Variants in BRD2 observed in about 807,000 individuals in gnomAD.
The protein encoded by BRD2 is bromodomain containing 2, also known as bromodomain-containing protein 2.
BRD2 carries 15 observed loss-of-function variants against 79.1 expected under a neutral mutation model. The observed-to-expected ratio is 0.19, with a 90% CI of 0.13 to 0.29. BRD2 has a LOEUF of 0.29. BRD2 is among the 10% of genes least tolerant of loss of function. BRD2 has a pLI of 1.00. For synonymous variants in BRD2, 488 were observed against 358.6 expected (o/e 1.36, Z -4.08); for missense variants, 1,053 against 991.3 (o/e 1.06, Z -0.84).
chr6:32,973,343 TG>T (rs1346235120), intron 2 of BRD2, among the ~76,000 whole-genome samples: 5 of 152,028 alleles, frequency 3.3e-5, no homozygotes, highest in African/African-American at 1.2e-4. Flanking sequence ...CTTAAGGGAC[TG>T]GCAACGGGGA....
In BRD2 at chr6:32,972,659, A is replaced by T; in HGVS notation, c.-240A>T. ...CCTCCTTAGTTGCCCGCCTCAGCTGAGGCCGCCGCCATTTTCTTGCTGTCC... is the reference window on the plus strand; with the variant it reads ...CCTCCTTAGTTGCCCGCCTCAGCTGTGGCCGCCGCCATTTTCTTGCTGTCC... On this transcript the variant is annotated 5_prime_UTR_variant, in exon 2 of 13. Coordinates refer to ENST00000374825, the MANE Select transcript of BRD2 (RefSeq NM_005104.4). 3.3e-6 allele frequency: 2 copies of T among 612,064 alleles called. No homozygotes were observed. Among genetic ancestry groups the T allele is most frequent in the South Asian group, 3.9e-5 (2 of 51,142 alleles). 37.9% of individuals were successfully genotyped at this position (612,064 alleles called of 1,614,324 possible).
Position 32,974,645 on chromosome 6 carries a change from G to C in BRD2, c.213G>C (p.Lys71Asn). ...CCCCGGAGGTGTCCAATCCCAAAAA[G>C]CCAGGACGAGTTACCAACCAGCTGC... ...PPPPEVSNPK[K>N]PGRVTNQLQY... is the part of the protein sequence containing the mutation. The change falls in exon 3 of 13, where the codon AAG becomes AAC. Residue 71 changes from lysine to asparagine, a missense_variant. By Grantham distance (94) the Lys-to-Asn change is moderately conservative. This residue lies in a region of BRD2 where 413 missense variants were observed against 335.1 expected (regional missense o/e 1.23). Coordinates refer to ENST00000374825, the MANE Select transcript of BRD2 (RefSeq NM_005104.4). The C allele has an allele frequency of 1.9e-6, 3 of 1,614,232 alleles. No homozygotes were observed. The highest frequency in any genetic ancestry group is 2.5e-6 in the Non-Finnish European group (3 of 1,180,044).
Position 32,980,481 on chromosome 6 carries a change from A to T in BRD2, c.2269+17A>T. ...CCAAGAAAGGTGAGTATATACTTTC[A>T]TGCCACTACAGATTGACTCCATCCT... On this transcript the variant is annotated intron_variant, in intron 12 of 12. Coordinates refer to ENST00000374825, the MANE Select transcript of BRD2 (RefSeq NM_005104.4). 1 of 1,612,970 alleles carries T rather than the reference A, an allele frequency of 6.2e-7. No homozygotes were observed. The highest frequency in any genetic ancestry group is 8.5e-7 in the Non-Finnish European group (1 of 1,179,980).
intron 1 of BRD2, chr6:32,969,432 T>C (rs1777752538): frequency 4.3e-6 from 3 of 704,650 alleles, no homozygotes; most frequent in Non-Finnish European, 5.3e-6. Context: ...CCCCTACCCG[T>C]GGATGTGAAT....
chr6:32,973,093 G>C (rs1180684567), intron 2 of BRD2, 166 bp downstream of exon 2: 1 of 1,567,526 alleles, frequency 6.4e-7, no homozygotes, highest in Admixed American at 1.9e-5. Flanking sequence ...TGGAACGGTG[G>C]TGGCGGCTCG....
In BRD2 at chr6:32,976,952, G is replaced by A; in HGVS notation, c.1200+16G>A. The A allele has an allele frequency of 6.3e-7, 1 of 1,592,280 alleles. No individual in the cohort carries two copies. The highest frequency in any genetic ancestry group is 8.6e-7 in the Non-Finnish European group (1 of 1,167,798). ...CACTGTCAAGGTACCCACTGCATGGGGCAGATGGGATGCTCAGGCAGTGAT... is the reference window on the plus strand; with the variant it reads ...CACTGTCAAGGTACCCACTGCATGGAGCAGATGGGATGCTCAGGCAGTGAT... On this transcript the variant is annotated intron_variant, in intron 7 of 12. Coordinates refer to ENST00000374825, the MANE Select transcript of BRD2 (RefSeq NM_005104.4).
At position 32,980,604 on chromosome 6, in the gene BRD2, C is replaced by T. The variant is rs764143962; in HGVS notation, c.2292C>T (p.Ser764=). The change falls in exon 13 of 13, where the codon TCC becomes TCT. Residue 764 remains serine (S), a synonymous_variant. Coordinates refer to ENST00000374825, the MANE Select transcript of BRD2 (RefSeq NM_005104.4). Reference sequence around the variant, plus strand: ...CAGCGAATGAGAAAACAGAGTCATCCTCTGCACAGCAAGTAGCAGTGTCAC... The same window carrying T: ...CAGCGAATGAGAAAACAGAGTCATCTTCTGCACAGCAAGTAGCAGTGTCAC... ...PKKANEKTES[S]SAQQVAVSRL... 2.0e-5 allele frequency: 33 copies of T among 1,610,240 alleles called. No homozygotes were observed. Among genetic ancestry groups the T allele is most frequent in the Admixed American group, 1.7e-4 (10 of 59,804 alleles).
At chr6:32,975,708 C>G (rs964145746) in intron 4 of BRD2, among the ~76,000 whole-genome samples, 187 bp downstream of exon 4, 1 of 152,196 alleles carries the variant, frequency 6.6e-6, no homozygotes, top group Non-Finnish European at 1.5e-5. Context: ...CTTCAGAGCT[C>G]TAGTTGAAGG....
intron 10 of BRD2, 184 bp downstream of exon 10, chr6:32,978,572 G>C: frequency 1.1e-6 from 1 of 949,384 alleles, no homozygotes; most frequent in Non-Finnish European, 1.5e-6. Flanking sequence ...CCACAGACAG[G>C]GTTTGAGGGG....
intron 3 of BRD2, 128 bp downstream of exon 3, chr6:32,974,893 C>A: frequency 7.2e-7 from 1 of 1,391,628 alleles, no homozygotes; most frequent in Non-Finnish European, 9.7e-7. Context: ...GGGCAGTTAG[C>A]TACCAGATTT....
rs574018706 is a variant in BRD2 at position 32,979,734 on chromosome 6, T to C, written c.1842-94T>C. ...GAATGGAAAAACAGAAGCTCCACTCTGGGCAGGAAATAGGATCACTGAATT... is the reference window on the plus strand; with the variant it reads ...GAATGGAAAAACAGAAGCTCCACTCCGGGCAGGAAATAGGATCACTGAATT... On this transcript the variant is annotated intron_variant, in intron 10 of 12. Transcript: ENST00000374825. The C allele has an allele frequency of 1.5e-4, 210 of 1,423,030 alleles. No individual in the cohort carries two copies. In the African/African-American group the frequency reaches 2.9e-3, roughly 19 times the overall value. 88.2% of individuals were successfully genotyped at this position (1,423,030 alleles called of 1,614,324 possible).
chr6:32,975,954 C>T (rs1399972497), intron 4 of BRD2, 77 bp from the exon 5 acceptor site: 10 of 1,489,442 alleles, frequency 6.7e-6, no homozygotes, highest in Non-Finnish European at 7.2e-6. Context: ...GGCCTGAATG[C>T]CTCTGAGAAA....
chr6:32,974,506 AAGCAGC>A lies in BRD2; in HGVS notation c.79_84del (p.Ala27_Ala28del). The A allele has an allele frequency of 6.2e-7, 1 of 1,613,764 alleles. No individual in the cohort carries two copies. The highest frequency in any genetic ancestry group is 8.5e-7 in the Non-Finnish European group (1 of 1,179,642). ...GCAGGGTTGCTGGGGCTGGGCCCAG[AAGCAGC>A]AGCACCAGGGAAGAGGATTCGAAAA... On this transcript the variant is annotated inframe_deletion, in exon 3 of 13. Transcript: ENST00000374825.
Position 32,969,295 on chromosome 6 carries a change from G to A in BRD2, c.-1305+239G>A, listed in dbSNP as rs557774469. On this transcript the variant is annotated intron_variant, in intron 1 of 12. Transcript: ENST00000374825. The stretch of plus-strand genomic sequence containing the variant: ...CCATTGGAGGGCAAAGGGGTTAGGG[G>A]GCGGTGTGGCCCCCCCTATTCCATT... 5.6e-6 allele frequency: 4 copies of A among 714,170 alleles called. No individual in the cohort carries two copies. The African/African-American group carries it at 7.0e-5, about 12-fold the overall frequency. The allele number at this position is 714,170 out of a possible 1,614,324, so 44.2% of individuals were successfully genotyped here.
At chr6:32,969,895 G>C (rs1239812220) in intron 1 of BRD2, among the ~76,000 whole-genome samples, 1 of 152,174 alleles carries the variant, frequency 6.6e-6, no homozygotes, top group African/African-American at 2.4e-5. Context: ...CCCTCCCCCA[G>C]TCCTGAACAG....
At position 32,972,777 on chromosome 6, in the gene BRD2, G is replaced by A; in HGVS notation, c.-122G>A. On this transcript the variant is annotated 5_prime_UTR_variant, in exon 2 of 13. Coordinates refer to ENST00000374825, the MANE Select transcript of BRD2 (RefSeq NM_005104.4). Reference sequence around the variant, plus strand: ...CGGCCAGGCAGGGGGTTTGTCGCCTGGAGGCCCAAGAGGAACGGCCTCCCC... The same window carrying A: ...CGGCCAGGCAGGGGGTTTGTCGCCTAGAGGCCCAAGAGGAACGGCCTCCCC... 6.8e-7 allele frequency: 1 copy of A among 1,467,830 alleles called. No individual in the cohort carries two copies. The highest frequency in any genetic ancestry group is 2.3e-5 in the East Asian group (1 of 44,072). The allele number at this position is 1,467,830 out of a possible 1,614,324, so 90.9% of individuals were successfully genotyped here.
At chr6:32,973,150 T>G in intron 2 of BRD2, 2 of 1,547,328 alleles carry the variant, frequency 1.3e-6, no homozygotes, top group South Asian at 1.2e-5. Context: ...TATACGCTAT[T>G]AATGCCGCCG....
At chr6:32,979,657 T>C in intron 10 of BRD2, 171 bp from the exon 11 acceptor site, 2 of 683,716 alleles carry the variant, frequency 2.9e-6, no homozygotes, top group Non-Finnish European at 4.7e-6. Context: ...TCGAGCAAAA[T>C]GCTCTGTTTC....
In BRD2 at chr6:32,972,759, G is replaced by T; in HGVS notation, c.-140G>T. 1 of 1,309,376 alleles carries T rather than the reference G, an allele frequency of 7.6e-7. No individual in the cohort carries two copies. The highest frequency in any genetic ancestry group is 1.1e-6 in the Non-Finnish European group (1 of 924,588). The allele number at this position is 1,309,376 out of a possible 1,614,324, so 81.1% of individuals were successfully genotyped here. ...AAGAGACTGCTTTCGTGCCGGCCAG[G>T]CAGGGGGTTTGTCGCCTGGAGGCCC... On this transcript the variant is annotated 5_prime_UTR_variant, in exon 2 of 13. Transcript: ENST00000374825.
Sources: allele counts gnomAD v4.1 joint callset (sites outside exome capture counted in the v4.1 genomes callset), GRCh38; gene constraint gnomAD v4.1.1; regional missense constraint gnomAD v4.1.1; transcripts MANE v1.5; gene names NCBI Gene and HGNC (gene_info 2026-07-23, HGNC 2026-07-21).